Variants in C3orf20 observed in about 807,000 individuals in gnomAD.
C3orf20 encodes family with sequence similarity 149 member C, also known as uncharacterized protein C3orf20.
Under a neutral mutation model 88.3 loss-of-function variants are expected in C3orf20, and 76 were observed. The ratio of observed to expected loss-of-function variants is 0.86; its 90% CI spans 0.72 to 1.04. The LOEUF is 1.04. Ranked by LOEUF, C3orf20 falls within the 50% of genes least tolerant of loss-of-function variation. C3orf20 has a pLI of 0.00. For missense variants in C3orf20, 1,056 were observed against 1,123.3 expected, an observed-to-expected ratio of 0.94 and a Z score of 0.86; for synonymous variants, 436 against 437.4, an observed-to-expected ratio of 1.00 and a Z score of 0.04.
chr3:14,680,926 T>C (rs143040424), intron 1 of C3orf20, among the ~76,000 whole-genome samples: 6 of 152,290 alleles, frequency 3.9e-5, no homozygotes, highest in Non-Finnish European at 8.8e-5. Context: ...AACAAAGCTC[T>C]TTTTCCCAAT....
intron 1 of C3orf20, among the ~76,000 whole-genome samples, chr3:14,676,204 G>C (rs536225022): frequency 1.4e-5 from 2 of 147,044 alleles, no homozygotes; most frequent in South Asian, 2.2e-4. Context: ...CACAGCCATA[G>C]TTGTTCACGG....
chr3:14,693,299 A>G (rs1463606915), intron 5 of C3orf20, among the ~76,000 whole-genome samples: 1 of 152,194 alleles, frequency 6.6e-6, no homozygotes, highest in Non-Finnish European at 1.5e-5. Context: ...TTAAATCTGT[A>G]GATTGCTTTG....
At chr3:14,695,244 A>AC (rs1357034105) in intron 5 of C3orf20, among the ~76,000 whole-genome samples, 1 of 152,102 alleles carries the variant, frequency 6.6e-6, no homozygotes, top group Non-Finnish European at 1.5e-5. Flanking sequence ...TTCTTCACTG[A>AC]CCCACTGGTC....
At chr3:14,707,052 A>G (rs1009789119) in intron 7 of C3orf20, among the ~76,000 whole-genome samples, 4 of 151,990 alleles carry the variant, frequency 2.6e-5, no homozygotes, top group African/African-American at 9.7e-5. Flanking sequence ...GATCGAGTCC[A>G]TCCTGGCTAA....
intron 13 of C3orf20, among the ~76,000 whole-genome samples, chr3:14,758,291 A>G (rs1336196435): frequency 1.3e-5 from 2 of 152,150 alleles, no homozygotes; most frequent in Middle Eastern, 3.2e-3. Flanking sequence ...TAATGTTCCT[A>G]GAAGAGGCAG....
chr3:14,764,771 G>A (rs1258331238), intron 15 of C3orf20, among the ~76,000 whole-genome samples: 3 of 152,164 alleles, frequency 2.0e-5, no homozygotes, highest in African/African-American at 7.2e-5. Flanking sequence ...TTCCAAGAGG[G>A]AGCTTCCCAG....
intron 12 of C3orf20, among the ~76,000 whole-genome samples, chr3:14,731,923 G>T (rs1322555682): frequency 6.6e-6 from 1 of 152,204 alleles, no homozygotes; most frequent in Non-Finnish European, 1.5e-5. Flanking sequence ...ATTGTTTTCA[G>T]CTTTTTCTGA....
At chr3:14,754,765 G>T (rs1230659598) in intron 12 of C3orf20, among the ~76,000 whole-genome samples, 1 of 152,014 alleles carries the variant, frequency 6.6e-6, no homozygotes, top group Non-Finnish European at 1.5e-5. Context: ...TGCTCTGTCT[G>T]CCAGGCTGGA....
At chr3:14,766,291 A>G (rs2035699776) in intron 15 of C3orf20, among the ~76,000 whole-genome samples, 1 of 152,116 alleles carries the variant, frequency 6.6e-6, no homozygotes, top group Non-Finnish European at 1.5e-5. Context: ...ACTCTTCCCA[A>G]CTGGGCACCA....
At chr3:14,676,681 G>T (rs1302315289) in intron 1 of C3orf20, among the ~76,000 whole-genome samples, 1 of 152,130 alleles carries the variant, frequency 6.6e-6, no homozygotes, top group Admixed American at 6.5e-5. Context: ...GGAAAACTGG[G>T]TCAAAGAGAT....
At position 14,772,211 on chromosome 3, in the gene C3orf20, C is replaced by A. The variant is rs1176182745; in HGVS notation, c.2630+10C>A. On this transcript the variant is annotated intron_variant, in intron 16 of 16. Coordinates refer to ENST00000253697, the MANE Select transcript of C3orf20 (RefSeq NM_032137.5). The surrounding 1 kb of genome is among the most constrained non-coding windows in gnomAD (Gnocchi z 4.2). ...CTCTGGAGGCTGAGAAGTAGGTGACCACATCAGCTGCCAGAATGGGCGTGG... is the reference window on the plus strand; with the variant it reads ...CTCTGGAGGCTGAGAAGTAGGTGACAACATCAGCTGCCAGAATGGGCGTGG... The A allele has an allele frequency of 6.2e-7, 1 of 1,614,204 alleles. No individual in the cohort carries two copies. Among genetic ancestry groups the A allele is most frequent in the African/African-American group, 1.3e-5 (1 of 75,070 alleles).
chr3:14,675,998 T>C (rs1227945601), intron 1 of C3orf20, among the ~76,000 whole-genome samples: 2 of 152,136 alleles, frequency 1.3e-5, no homozygotes, highest in Non-Finnish European at 2.9e-5. Flanking sequence ...GGCCCTCCAC[T>C]ACATTTCTAA....
chr3:14,711,195 G>A (rs2033724502), intron 7 of C3orf20, among the ~76,000 whole-genome samples: 1 of 152,194 alleles, frequency 6.6e-6, no homozygotes, highest in Non-Finnish European at 1.5e-5. Flanking sequence ...ACTGCAAGCG[G>A]CCTAAGTCCT....
intron 4 of C3orf20, among the ~76,000 whole-genome samples, chr3:14,686,193 C>CGTGT (rs58844982): frequency 1.3e-5 from 2 of 149,484 alleles, no homozygotes; most frequent in Admixed American, 6.6e-5. Context: ...GAATCATATT[C>CGTGT]GTGTGTGTGT....
intron 15 of C3orf20, among the ~76,000 whole-genome samples, chr3:14,770,722 T>C (rs2035838622): frequency 6.6e-6 from 1 of 152,158 alleles, no homozygotes; most frequent in Admixed American, 6.5e-5. Flanking sequence ...TCAGTAAATA[T>C]GACCGAGTGA....
chr3:14,704,467 T>C lies in C3orf20; in HGVS notation c.1009T>C (p.Tyr337His). The C allele has an allele frequency of 1.2e-6, 2 of 1,614,106 alleles. No individual in the cohort carries two copies. Among genetic ancestry groups the C allele is most frequent in the South Asian group, 2.2e-5 (2 of 91,068 alleles). The change falls in exon 7 of 17, where the codon TAC (tyrosine) becomes CAC (histidine). Residue 337 changes from tyrosine (Y) to histidine (H), a missense_variant. Coordinates refer to ENST00000253697, the MANE Select transcript of C3orf20 (RefSeq NM_032137.5). ...KGDSQTPGLH[Y>H]PPTAGAQTLS... ...AGACTCTCAGACCCCGGGTTTACATTACCCTCCCACTGCAGGTGCTCAGAC... is the reference window on the plus strand; with the variant it reads ...AGACTCTCAGACCCCGGGTTTACATCACCCTCCCACTGCAGGTGCTCAGAC...
intron 7 of C3orf20, among the ~76,000 whole-genome samples, chr3:14,712,725 A>G (rs1046992462): frequency 1.3e-5 from 2 of 152,210 alleles, no homozygotes; most frequent in Non-Finnish European, 2.9e-5. Flanking sequence ...ATTTACTTAT[A>G]TAGTTAACTT....
In C3orf20 at chr3:14,760,606, C is replaced by CTTTT. The variant is rs33982218; in HGVS notation, c.2352+626_2352+629dup. Among the ~76,000 whole-genome samples, 500 of 97,708 alleles carry CTTTT rather than the reference C, an allele frequency of 5.1e-3. 1 individual carries two copies. The highest frequency in any genetic ancestry group is 7.9e-3 in the Non-Finnish European group (410 of 51,756). 64.1% of individuals were successfully genotyped at this position (97,708 alleles called of 152,430 possible). A position where few individuals can be genotyped will look rare whatever the true frequency, so the allele number is the denominator to read the frequency against. On this transcript the variant is annotated intron_variant, in intron 14 of 16. Coordinates refer to ENST00000253697, the MANE Select transcript of C3orf20 (RefSeq NM_032137.5). ...TAACTACTGTGTAAGAGTCTGTCTTCTTTTTTTTTTTTTTTTTTTTTGAGA... is the reference window on the plus strand; with the variant it reads ...TAACTACTGTGTAAGAGTCTGTCTTCTTTTTTTTTTTTTTTTTTTTTTTTTGAGA...
intron 5 of C3orf20, among the ~76,000 whole-genome samples, chr3:14,702,281 G>A (rs763283426): frequency 6.6e-6 from 1 of 152,048 alleles, no homozygotes; most frequent in Non-Finnish European, 1.5e-5. Context: ...AGAATAGCAC[G>A]GGAAAGACCG....
Sources: allele counts gnomAD v4.1 joint callset (sites outside exome capture counted in the v4.1 genomes callset), GRCh38; gene constraint gnomAD v4.1.1; non-coding constraint Gnocchi (gnomAD v3.1); transcripts MANE v1.5; gene names NCBI Gene and HGNC (gene_info 2026-07-23, HGNC 2026-07-21).